CTNNA2: variants seen among roughly 807,000 people sequenced by gnomAD.
The protein encoded by CTNNA2 is catenin alpha 2, also known as catenin alpha-2.
A neutral mutation model predicts 101.0 loss-of-function variants in CTNNA2; 42 were observed. The ratio of observed to expected loss-of-function variants is 0.42; its 90% confidence interval spans 0.32 to 0.54. The LOEUF (loss-of-function observed/expected upper bound fraction) is 0.54, where lower values mean the gene tolerates loss of function less well. Ranked by LOEUF, CTNNA2 falls within the 20% of genes least tolerant of loss-of-function variation. The probability of loss-of-function intolerance (pLI) is 0.14; values close to 1 mark genes in which losing one functional copy is unlikely to be tolerated. For missense variants in CTNNA2, 871 were observed against 1,223.1 expected (o/e 0.71, Z 4.29); for synonymous variants, 450 against 456.4 (o/e 0.99, Z 0.18).
At chr2:80,590,588 A>C (rs183969650) in intron 15 of CTNNA2, among the ~76,000 whole-genome samples, 1 of 152,266 alleles carries the variant, frequency 6.6e-6, no homozygotes, top group African/African-American at 2.4e-5. Flanking sequence ...CTAATGAGAA[A>C]AGGCTAGAAT....
At chr2:79,510,788 T>C (rs915794839), upstream of CTNNA2, among the ~76,000 whole-genome samples, 1 of 152,216 alleles carries the variant, frequency 6.6e-6, no homozygotes, top group South Asian at 2.1e-4. Flanking sequence ...CTTACAAATA[T>C]TTTAGAAATG....
At chr2:79,708,037 C>T (rs970943939) in intron 2 of CTNNA2, among the ~76,000 whole-genome samples, 1 of 152,146 alleles carries the variant, frequency 6.6e-6, no homozygotes, top group African/African-American at 2.4e-5. Flanking sequence ...AAATTATAGA[C>T]CTTTCACTTC....
At chr2:80,544,801 A>T (rs186395756) in intron 9 of CTNNA2, among the ~76,000 whole-genome samples, 181 bp from the exon 10 acceptor site, 28 of 152,336 alleles carry the variant, frequency 1.8e-4, no homozygotes, top group African/African-American at 6.5e-4. Context: ...TCTGACAGAA[A>T]TGCCTAAATT....
intron 2 of CTNNA2, among the ~76,000 whole-genome samples, chr2:79,718,742 A>G (rs1686272028): frequency 6.6e-6 from 1 of 151,952 alleles, no homozygotes; most frequent in South Asian, 2.1e-4. Flanking sequence ...TATAGCAAAG[A>G]TTTTTATCTA....
chr2:79,940,345 T>G (rs1688070320), intron 7 of CTNNA2, among the ~76,000 whole-genome samples: 2 of 152,218 alleles, frequency 1.3e-5, no homozygotes, highest in South Asian at 4.1e-4. Flanking sequence ...AGGTTTTGTT[T>G]TGTTGTGTTT....
intron 7 of CTNNA2, among the ~76,000 whole-genome samples, chr2:80,143,221 G>A (rs779039878): frequency 5.3e-5 from 8 of 152,254 alleles, no homozygotes; most frequent in Non-Finnish European, 1.0e-4. Context: ...AGAACTTTAC[G>A]CTGATATTTA....
At chr2:79,563,249 C>T (rs1255857488) in intron 1 of CTNNA2, among the ~76,000 whole-genome samples, 2 of 149,614 alleles carry the variant, frequency 1.3e-5, no homozygotes, top group Non-Finnish European at 3.0e-5. Flanking sequence ...TTTATAAATG[C>T]ATATACTTAC....
At chr2:79,373,378 T>C (rs575176998) in intron 3 of CTNNA2, among the ~76,000 whole-genome samples, 1 of 152,338 alleles carries the variant, frequency 6.6e-6, no homozygotes, top group East Asian at 1.9e-4. Context: ...TACTCCCTGA[T>C]AATTATTCTT....
At chr2:80,067,963 G>C (rs1698090064) in intron 7 of CTNNA2, among the ~76,000 whole-genome samples, 2 of 152,174 alleles carry the variant, frequency 1.3e-5, no homozygotes, top group Non-Finnish European at 2.9e-5. Context: ...AACCTGATGA[G>C]GGACCCCAGG....
At chr2:79,285,937 C>G (rs1282609504) in intron 2 of CTNNA2, among the ~76,000 whole-genome samples, 4 of 147,334 alleles carry the variant, frequency 2.7e-5, no homozygotes, top group Non-Finnish European at 5.9e-5. Context: ...TCTGGGTGCT[C>G]CTGTATTGGG....
At chr2:79,749,160 T>C (rs13017213) in intron 3 of CTNNA2, among the ~76,000 whole-genome samples, 61,537 of 151,884 alleles carry the variant, frequency 0.41, 13,143 homozygotes, top group African/African-American at 0.54. Context: ...CCATGTTCCA[T>C]GGGCTGGGCT....
chr2:79,732,793 C>T (rs1273470773), intron 2 of CTNNA2, among the ~76,000 whole-genome samples: 1 of 152,072 alleles, frequency 6.6e-6, no homozygotes, highest in Non-Finnish European at 1.5e-5. Context: ...ATCCATAGGT[C>T]ACTCTCCTCC....
At chr2:80,160,615 A>G (rs1704253337) in intron 7 of CTNNA2, among the ~76,000 whole-genome samples, 1 of 152,158 alleles carries the variant, frequency 6.6e-6, no homozygotes. Flanking sequence ...AAATAGAATT[A>G]TGTTTCATGT....
intron 4 of CTNNA2, among the ~76,000 whole-genome samples, chr2:79,452,625 A>G (rs199794478): frequency 6.6e-6 from 1 of 152,014 alleles, no homozygotes; most frequent in East Asian, 1.9e-4. Context: ...CATCATGGTC[A>G]TTTACTTCAG....
At chr2:79,219,807 A>T (rs953351394) in intron 2 of CTNNA2, among the ~76,000 whole-genome samples, 1 of 152,194 alleles carries the variant, frequency 6.6e-6, no homozygotes, top group African/African-American at 2.4e-5. Context: ...AACTCTGAGA[A>T]TAAGTGTGTC....
chr2:80,222,716 T>C (rs1489102221), intron 7 of CTNNA2, among the ~76,000 whole-genome samples: 4 of 152,224 alleles, frequency 2.6e-5, no homozygotes, highest in Admixed American at 6.5e-5. Context: ...GTCATCTCAT[T>C]GTAAATAAAG....
At chr2:80,235,615 A>T (rs1057217775) in intron 7 of CTNNA2, among the ~76,000 whole-genome samples, 1 of 152,186 alleles carries the variant, frequency 6.6e-6, no homozygotes, top group Admixed American at 6.5e-5. Flanking sequence ...TTAGAAGAAG[A>T]TTGGGATCAC....
chr2:80,525,234 C>G (rs1223475074), intron 9 of CTNNA2, among the ~76,000 whole-genome samples: 1 of 151,736 alleles, frequency 6.6e-6, no homozygotes. Context: ...TGCTACCCTG[C>G]CTCCCCAACA....
At chr2:79,996,191 ATATT>A (rs1692532231) in intron 7 of CTNNA2, among the ~76,000 whole-genome samples, 1 of 152,232 alleles carries the variant, frequency 6.6e-6, no homozygotes, top group African/African-American at 2.4e-5. Context: ...AGCATATGCT[ATATT>A]GCTAGTTTAT....
Sources: allele counts gnomAD v4.1 joint callset (sites outside exome capture counted in the v4.1 genomes callset), GRCh38; gene constraint gnomAD v4.1.1; transcripts MANE v1.5; gene names NCBI Gene and HGNC (gene_info 2026-07-23, HGNC 2026-07-21).